Variants in ERBIN observed in about 807,000 individuals in gnomAD.
ERBIN encodes the protein erbb2 interacting protein.
Under a neutral mutation model 158.4 loss-of-function variants are expected in ERBIN, and 60 were observed. That is an observed-to-expected ratio of 0.38 (90% confidence interval 0.31 to 0.47). The LOEUF (loss-of-function observed/expected upper bound fraction) is 0.47. Ranked by LOEUF, ERBIN falls within the 20% of genes least tolerant of loss-of-function variation. The pLI is 0.99. For missense variants in ERBIN, 1,610 were observed against 1,648.0 expected (o/e 0.98, Z 0.40); for synonymous variants, 594 against 557.2 (o/e 1.07, Z -0.93).
chr5:66,048,737 C>A lies in ERBIN; in HGVS notation c.1859C>A (p.Ser620Tyr). Reference protein sequence around the residue: ...AEMRPPLIETSINQPKVVALS... With the variant: ...AEMRPPLIETYINQPKVVALS... ...ATGCGACCACCATTAATTGAAACCT[C>A]TATTAACCAGCCAAAAGTCGTAGCA... Residue 620 changes from serine to tyrosine, a missense_variant, in exon 19 of 26, where the codon TCT becomes TAT. Coordinates refer to ENST00000284037, the MANE Select transcript of ERBIN (RefSeq NM_001253697.2). 6.2e-7 allele frequency: 1 copy of A among 1,607,468 alleles called. No homozygotes were observed. The highest frequency in any genetic ancestry group is 8.5e-7 in the Non-Finnish European group (1 of 1,176,950).
At chr5:65,943,909 G>A (rs920325153) in intron 1 of ERBIN, among the ~76,000 whole-genome samples, 4 of 152,058 alleles carry the variant, frequency 2.6e-5, no homozygotes, top group African/African-American at 9.7e-5. Flanking sequence ...CTATTATTTT[G>A]ACCAAGTACC....
chr5:66,072,082 T>C, intron 21 of ERBIN, 87 bp from the exon 22 acceptor site: 16 of 1,395,632 alleles, frequency 1.1e-5, no homozygotes, highest in Middle Eastern at 1.8e-4. Flanking sequence ...TGGCAATATT[T>C]TTTCCTAATC....
At chr5:66,051,664 G>A (rs1184733310) in intron 20 of ERBIN, among the ~76,000 whole-genome samples, 1 of 152,198 alleles carries the variant, frequency 6.6e-6, no homozygotes, top group Admixed American at 6.5e-5. Flanking sequence ...GGCTGCGGCA[G>A]GTGGATGGCT....
intron 1 of ERBIN, among the ~76,000 whole-genome samples, chr5:65,949,421 C>T (rs1746230854): frequency 6.6e-6 from 1 of 152,124 alleles, no homozygotes; most frequent in Non-Finnish European, 1.5e-5. Context: ...AGCTAAAAAA[C>T]AAGCAAAAAA....
At chr5:65,951,954 T>TG (rs1180704138) in intron 1 of ERBIN, among the ~76,000 whole-genome samples, 1 of 152,238 alleles carries the variant, frequency 6.6e-6, no homozygotes, top group African/African-American at 2.4e-5. Flanking sequence ...TCGCAAGTTT[T>TG]GGACAACATG....
At chr5:66,040,318 A>C (rs1219302785) in intron 15 of ERBIN, among the ~76,000 whole-genome samples, 2 of 151,928 alleles carry the variant, frequency 1.3e-5, no homozygotes, top group African/African-American at 4.8e-5. Flanking sequence ...TTAATAATTC[A>C]AATCTACCTT....
intron 1 of ERBIN, among the ~76,000 whole-genome samples, chr5:65,928,396 G>T (rs1742945115): frequency 1.3e-5 from 2 of 152,100 alleles, no homozygotes; most frequent in Admixed American, 1.3e-4. Flanking sequence ...TTATTCTTGG[G>T]CATCTGAAAG....
Position 66,021,302 on chromosome 5 carries a change from C to T in ERBIN, c.534-20C>T, listed in dbSNP as rs1755658558. On this transcript the variant is annotated intron_variant, in intron 7 of 25. Transcript: ENST00000284037. ...ATTGATATTTTTCTAGTTAATTTTT[C>T]ATTACTCCATTATGAACAGAACTAT... 5.3e-6 allele frequency: 8 copies of T among 1,501,902 alleles called. No individual in the cohort carries two copies. Among genetic ancestry groups the T allele is most frequent in the African/African-American group, 1.4e-5 (1 of 71,810 alleles). 93.0% of individuals were successfully genotyped at this position (1,501,902 alleles called of 1,614,324 possible).
rs916080488 is a variant in ERBIN at position 66,082,200 on chromosome 5, C to T, written c.*3670C>T. The T allele has an allele frequency of 1.3e-5, 2 of 152,036 alleles. No homozygotes were observed. The highest frequency in any genetic ancestry group is 2.1e-4 in the South Asian group (1 of 4,800). 9.4% of individuals were successfully genotyped at this position (152,036 alleles called of 1,614,324 possible). On this transcript the variant is annotated 3_prime_UTR_variant, in exon 26 of 26. Coordinates refer to ENST00000284037, the MANE Select transcript of ERBIN (RefSeq NM_001253697.2). ...AGAAGCTCATCCTAAGCTGAGAAAG[C>T]CTAAAATGTTAGAGAATGTTTAGAG...
chr5:66,076,096 G>A, intron 23 of ERBIN: 1 of 503,654 alleles, frequency 2.0e-6, no homozygotes, highest in South Asian at 2.7e-5. Flanking sequence ...ATAAAATTAG[G>A]AGCTATGCTT....
intron 1 of ERBIN, among the ~76,000 whole-genome samples, chr5:65,943,295 A>G (rs1240848294): frequency 6.6e-6 from 1 of 152,256 alleles, no homozygotes; most frequent in African/African-American, 2.4e-5. Context: ...AGGCACTTGC[A>G]TTACCTAAGA....
intron 1 of ERBIN, among the ~76,000 whole-genome samples, chr5:65,977,079 C>T (rs1420698167): frequency 2.0e-5 from 3 of 151,964 alleles, no homozygotes; most frequent in African/African-American, 7.2e-5. Flanking sequence ...CTCCTCACTT[C>T]CCAGTAGGGG....
chr5:66,036,731 G>A (rs1403751940), intron 14 of ERBIN, among the ~76,000 whole-genome samples: 1 of 152,122 alleles, frequency 6.6e-6, no homozygotes, highest in Non-Finnish European at 1.5e-5. Context: ...CAATATAAAA[G>A]GCTCTTAGGA....
rs1314552404 is a variant in ERBIN at position 66,017,488 on chromosome 5, A to G, written c.533+2763A>G. Among the ~76,000 whole-genome samples, 8 of 144,614 alleles carry G rather than the reference A, an allele frequency of 5.5e-5. No homozygotes were observed. The East Asian group carries it at 1.2e-3, about 22-fold the overall frequency. The allele number at this position is 144,614 out of a possible 152,430, so 94.9% of individuals were successfully genotyped here. On this transcript the variant is annotated intron_variant, in intron 7 of 25. Transcript: ENST00000284037. The stretch of plus-strand genomic sequence containing the variant: ...GCACGTCTTCTTTTGAGAAATGTCT[A>G]TTCAGATCTCTGGTGCATTTTACAA...
chr5:65,979,268 A>C (rs1334202574), intron 1 of ERBIN, among the ~76,000 whole-genome samples: 1 of 117,648 alleles, frequency 8.5e-6, no homozygotes, highest in African/African-American at 2.7e-5. Flanking sequence ...CTCCACAAAA[A>C]ATAAAAAACT....
chr5:66,001,223 T>C (rs1290895824), intron 4 of ERBIN, among the ~76,000 whole-genome samples: 1 of 152,172 alleles, frequency 6.6e-6, no homozygotes. Flanking sequence ...GTTTCGCTTA[T>C]ATTTAAGCTC....
chr5:65,970,787 GTGT>G (rs1317583249), intron 1 of ERBIN, among the ~76,000 whole-genome samples: 1 of 152,008 alleles, frequency 6.6e-6, no homozygotes, highest in African/African-American at 2.4e-5. Context: ...TAGAGACAGG[GTGT>G]TGTTGTGTTG....
intron 21 of ERBIN, among the ~76,000 whole-genome samples, chr5:66,064,335 A>G (rs931413573): frequency 7.2e-5 from 11 of 152,252 alleles, no homozygotes; most frequent in Non-Finnish European, 1.3e-4. Flanking sequence ...AATATTAGAA[A>G]GTCATAATAT....
chr5:66,062,042 G>T (rs942485296), intron 21 of ERBIN, among the ~76,000 whole-genome samples: 1 of 152,128 alleles, frequency 6.6e-6, no homozygotes, highest in Non-Finnish European at 1.5e-5. Context: ...TCTTCTCGAG[G>T]AGTATCTTTG....
Sources: allele counts gnomAD v4.1 joint callset (sites outside exome capture counted in the v4.1 genomes callset), GRCh38; gene constraint gnomAD v4.1.1; transcripts MANE v1.5; gene names NCBI Gene and HGNC (gene_info 2026-07-23, HGNC 2026-07-21).